NTM: variants seen among roughly 807,000 people sequenced by gnomAD.
The protein encoded by NTM is neurotrimin.
Under a neutral mutation model 42.1 loss-of-function variants are expected in NTM, and 13 were observed. That is an observed-to-expected ratio of 0.31 (90% confidence interval 0.20 to 0.49). The LOEUF (loss-of-function observed/expected upper bound fraction) is 0.49. Ranked by LOEUF, NTM falls within the 20% of genes least tolerant of loss-of-function variation. NTM has a pLI of 0.99. For synonymous variants in NTM, 187 were observed against 179.2 expected (o/e 1.04, Z -0.35); for missense variants, 373 against 452.8 (o/e 0.82, Z 1.60).
At chr11:131,436,343 G>A (rs542270829) in intron 1 of NTM, among the ~76,000 whole-genome samples, 26 of 152,182 alleles carry the variant, frequency 1.7e-4, no homozygotes, top group Non-Finnish European at 2.9e-4. Flanking sequence ...GAGTGGAATA[G>A]TTTCAGAAGG....
chr11:131,620,546 C>A (rs769735351), intron 1 of NTM, among the ~76,000 whole-genome samples: 1 of 152,176 alleles, frequency 6.6e-6, no homozygotes, highest in Non-Finnish European at 1.5e-5. Context: ...CTCACTCAGC[C>A]CCAGCTACAT....
chr11:131,763,709 CTTTTTT>C (rs557522093), intron 1 of NTM, among the ~76,000 whole-genome samples: 47 of 71,378 alleles, frequency 6.6e-4, no homozygotes, highest in African/African-American at 1.4e-3. Flanking sequence ...ATCTCTCTCT[CTTTTTT>C]TTTTTTTTTT....
chr11:131,820,731 A>G (rs977444468), intron 1 of NTM, among the ~76,000 whole-genome samples: 6 of 152,202 alleles, frequency 3.9e-5, no homozygotes, highest in African/African-American at 1.4e-4. Flanking sequence ...AAAGATATTA[A>G]ATACCAGGTG....
At chr11:132,333,605 T>C (rs2095840109) in intron 8 of NTM, among the ~76,000 whole-genome samples, 1 of 152,158 alleles carries the variant, frequency 6.6e-6, no homozygotes, top group Non-Finnish European at 1.5e-5. Context: ...CAGATGCCTT[T>C]GGTTTTGTGT....
intron 2 of NTM, among the ~76,000 whole-genome samples, chr11:132,050,134 A>G (rs2078645917): frequency 6.6e-6 from 1 of 152,166 alleles, no homozygotes; most frequent in Non-Finnish European, 1.5e-5. Flanking sequence ...TTAGAGAGAA[A>G]ATGCTGGCAG....
At chr11:132,246,331 C>T (rs905026848) in intron 4 of NTM, among the ~76,000 whole-genome samples, 1 of 152,188 alleles carries the variant, frequency 6.6e-6, no homozygotes, top group African/African-American at 2.4e-5. Flanking sequence ...TCAAACAGTT[C>T]GTTCTATATC....
chr11:132,104,514 G>A (rs186866889), intron 2 of NTM, among the ~76,000 whole-genome samples: 96 of 151,814 alleles, frequency 6.3e-4, no homozygotes, highest in Non-Finnish European at 2.2e-4. Context: ...CACTTTGGGA[G>A]GCCAAGGCAG....
chr11:131,967,488 A>G, intron 2 of NTM, among the ~76,000 whole-genome samples: 1 of 152,138 alleles, frequency 6.6e-6, no homozygotes. Flanking sequence ...GGGAAGGCCA[A>G]ACAGGAGGCT....
At chr11:131,645,969 A>C (rs2065726731) in intron 1 of NTM, among the ~76,000 whole-genome samples, 1 of 152,212 alleles carries the variant, frequency 6.6e-6, no homozygotes, top group African/African-American at 2.4e-5. Flanking sequence ...TATGAAACCT[A>C]ATATCAACCT....
At chr11:131,743,208 G>A (rs142716924) in intron 1 of NTM, among the ~76,000 whole-genome samples, 200 of 149,210 alleles carry the variant, frequency 1.3e-3, no homozygotes, top group African/African-American at 4.4e-3. Flanking sequence ...TCCTAATTGT[G>A]CATTTCACTG....
intron 1 of NTM, among the ~76,000 whole-genome samples, chr11:131,395,773 G>T (rs1944486534): frequency 2.0e-5 from 3 of 152,216 alleles, no homozygotes; most frequent in Admixed American, 2.0e-4. Context: ...GGTTGATGAA[G>T]TCTGGCTGAT....
chr11:131,372,070 G>GTA, intron 1 of NTM, among the ~76,000 whole-genome samples: 3 of 152,196 alleles, frequency 2.0e-5, no homozygotes, highest in African/African-American at 7.2e-5. Flanking sequence ...TAGTCCTGCT[G>GTA]GCTCTTCTCC....
intron 5 of NTM, among the ~76,000 whole-genome samples, chr11:132,308,314 T>A (rs965060049): frequency 6.6e-6 from 1 of 152,216 alleles, no homozygotes; most frequent in African/African-American, 2.4e-5. Flanking sequence ...GTGCATGGTA[T>A]ACATACAAAT....
Position 132,294,429 on chromosome 11 carries a change from G to A in NTM, c.527-13260G>A, listed in dbSNP as rs139063994. ...TTAGAGTGGAAATTCGTCTTCTGAAGTTGAGATTTAGAACTGAAATAAAAA... is the reference window on the plus strand; with the variant it reads ...TTAGAGTGGAAATTCGTCTTCTGAAATTGAGATTTAGAACTGAAATAAAAA... On this transcript the variant is annotated intron_variant, in intron 4 of 8. Transcript: ENST00000683400. Among the ~76,000 whole-genome samples the A allele has an allele frequency of 2.1e-4, 32 of 152,194 alleles. No homozygotes were observed. The East Asian group carries it at 5.8e-3, about 28-fold the overall frequency.
chr11:131,518,360 A>G (rs1290658277), intron 1 of NTM, among the ~76,000 whole-genome samples: 6 of 152,196 alleles, frequency 3.9e-5, no homozygotes, highest in African/African-American at 1.4e-4. Flanking sequence ...CAGAGGATGC[A>G]GGAAGTCCTC....
chr11:132,024,834 A>G (rs1269010261), intron 2 of NTM, among the ~76,000 whole-genome samples: 6 of 152,168 alleles, frequency 3.9e-5, no homozygotes, highest in Non-Finnish European at 8.8e-5. Context: ...TGTCAGATTT[A>G]GTTGTTCTCT....
intron 2 of NTM, among the ~76,000 whole-genome samples, chr11:131,997,549 G>A (rs1372217030): frequency 6.6e-6 from 1 of 152,172 alleles, no homozygotes; most frequent in African/African-American, 2.4e-5. Context: ...CATAGCACAG[G>A]CTGTGGCTGG....
At chr11:132,153,092 C>T (rs1264378038) in intron 3 of NTM, among the ~76,000 whole-genome samples, 1 of 152,192 alleles carries the variant, frequency 6.6e-6, no homozygotes, top group African/African-American at 2.4e-5. Flanking sequence ...TTAGGGCTCC[C>T]ATGGGAAAGT....
intron 4 of NTM, among the ~76,000 whole-genome samples, chr11:132,248,757 G>T (rs1310701093): frequency 6.6e-6 from 1 of 152,200 alleles, no homozygotes; most frequent in Non-Finnish European, 1.5e-5. Flanking sequence ...TTGATGCCAG[G>T]AGGGAAACAT....
Sources: allele counts gnomAD v4.1 joint callset (sites outside exome capture counted in the v4.1 genomes callset), GRCh38; gene constraint gnomAD v4.1.1; transcripts MANE v1.5; gene names NCBI Gene and HGNC (gene_info 2026-07-23, HGNC 2026-07-21).